RGS6: variants seen among roughly 807,000 people sequenced by gnomAD.
RGS6 encodes regulator of G-protein signaling 6.
In RGS6, 30 loss-of-function variants were observed where a neutral mutation model predicts 78.5. The ratio of observed to expected loss-of-function variants is 0.38; its 90% confidence interval spans 0.29 to 0.52. The LOEUF (loss-of-function observed/expected upper bound fraction) is 0.52, where lower values mean the gene tolerates loss of function less well. Ranked by LOEUF, RGS6 falls within the 20% of genes least tolerant of loss-of-function variation. The pLI is 0.85. For missense variants in RGS6, 495 were observed against 609.7 expected (o/e 0.81, Z 1.98); for synonymous variants, 206 against 206.0 (o/e 1.00, Z 0.00).
chr14:72,612,461 T>C, the RGS6 span: 1 of 518,738 alleles, frequency 1.9e-6, no homozygotes, highest in Non-Finnish European at 3.8e-6. Context: ...AATTTAGGCT[T>C]CTTCAACTAC....
chr14:72,090,691 A>G (rs1215218502), intron 2 of RGS6, among the ~76,000 whole-genome samples: 2 of 152,206 alleles, frequency 1.3e-5, no homozygotes, highest in Non-Finnish European at 2.9e-5. Flanking sequence ...ACATACGGAC[A>G]GTGAAAAGGT....
intron 2 of RGS6, among the ~76,000 whole-genome samples, chr14:72,254,001 G>A (rs368067709): frequency 9.2e-5 from 14 of 152,258 alleles, no homozygotes; most frequent in African/African-American, 3.1e-4. Context: ...TAATGTTTGC[G>A]TTGTAGACCA....
intron 15 of RGS6, among the ~76,000 whole-genome samples, chr14:72,521,010 G>C (rs1184516172): frequency 6.6e-6 from 1 of 152,216 alleles, no homozygotes; most frequent in Non-Finnish European, 1.5e-5. Flanking sequence ...TAGGCACTTA[G>C]AGTGTTTCAT....
chr14:72,521,303 G>A (rs2097035122), intron 15 of RGS6, among the ~76,000 whole-genome samples: 1 of 152,222 alleles, frequency 6.6e-6, no homozygotes, highest in Non-Finnish European at 1.5e-5. Context: ...TACAGCAACA[G>A]TATGATTATC....
chr14:72,475,825 T>TACACGCACACACACACACAC (rs1555424256), intron 10 of RGS6, among the ~76,000 whole-genome samples: 2 of 96,126 alleles, frequency 2.1e-5, no homozygotes, highest in African/African-American at 8.5e-5. Context: ...TAAAAAAAAA[T>TACACGCACACACACACACAC]ACACGCACAC....
chr14:72,569,675 G>A (rs1044084297), downstream of RGS6, among the ~76,000 whole-genome samples: 4 of 136,796 alleles, frequency 2.9e-5, no homozygotes, highest in African/African-American at 1.1e-4. Flanking sequence ...ACTTGTCAAG[G>A]AAGGAAGAAA....
chr14:72,251,083 CT>C (rs1235221864), intron 2 of RGS6, among the ~76,000 whole-genome samples: 8 of 152,174 alleles, frequency 5.3e-5, no homozygotes, highest in African/African-American at 1.7e-4. Context: ...GTAGTAAATG[CT>C]TTTTAAGAGA....
chr14:72,295,646 G>A (rs1312159807), intron 2 of RGS6, among the ~76,000 whole-genome samples: 1 of 152,126 alleles, frequency 6.6e-6, no homozygotes, highest in African/African-American at 2.4e-5. Context: ...GTCTTTGGTT[G>A]CTTATATATA....
intron 2 of RGS6, among the ~76,000 whole-genome samples, chr14:72,348,428 T>C (rs1033325371): frequency 5.3e-5 from 8 of 152,206 alleles, no homozygotes; most frequent in African/African-American, 1.9e-4. Flanking sequence ...GATCATGAAA[T>C]AGATGTTCTG....
At chr14:72,499,381 G>A (rs991091683) in intron 13 of RGS6, among the ~76,000 whole-genome samples, 2 of 152,158 alleles carry the variant, frequency 1.3e-5, no homozygotes, top group Admixed American at 6.5e-5. Context: ...CCTGATCCAT[G>A]TTCCTGAGTT....
chr14:72,230,388 C>A (rs80194888), intron 2 of RGS6, among the ~76,000 whole-genome samples: 1,926 of 152,142 alleles, frequency 0.013, 47 homozygotes, highest in African/African-American at 0.043. Context: ...AAATTGAAAA[C>A]AAAAGCACTT....
rs190757836 is a variant in RGS6, at chr14:72,074,699, C to G, written c.84+109824C>G. 1.2e-4 allele frequency among the ~76,000 whole-genome samples: 18 copies of G among 152,224 alleles called. No individual in the cohort carries two copies. In the East Asian group the frequency reaches 3.5e-3, roughly 29 times the overall value. ...TTTTTTCAGTTATCCAGCATCCCCC[C>G]ACTTGTTTCTATCCTATCTCATATG... is the stretch of plus-strand genomic sequence containing the variant. On this transcript the variant is annotated intron_variant, in intron 2 of 17. Transcript: ENST00000553525.
intron 3 of RGS6, among the ~76,000 whole-genome samples, chr14:72,423,203 G>A (rs1166985155): frequency 6.6e-6 from 1 of 152,200 alleles, no homozygotes; most frequent in Non-Finnish European, 1.5e-5. Context: ...GAGAACATGG[G>A]TGCCAGACAT....
intron 2 of RGS6, among the ~76,000 whole-genome samples, chr14:72,087,430 C>T (rs577578699): frequency 2.0e-5 from 3 of 151,930 alleles, no homozygotes; most frequent in South Asian, 4.2e-4. Flanking sequence ...CGCACCTGGC[C>T]GAAATGCATA....
intron 2 of RGS6, among the ~76,000 whole-genome samples, chr14:72,003,336 C>T (rs536581461): frequency 6.6e-6 from 1 of 152,190 alleles, no homozygotes; most frequent in Non-Finnish European, 1.5e-5. Context: ...AAATCATGGC[C>T]CTATGCACAA....
intron 2 of RGS6, among the ~76,000 whole-genome samples, chr14:72,312,022 G>T (rs1173830219): frequency 6.6e-6 from 1 of 152,160 alleles, no homozygotes; most frequent in Non-Finnish European, 1.5e-5. Context: ...ATCAGAAAAA[G>T]AAGCAACTGT....
chr14:72,517,574 C>A (rs1023973590), intron 14 of RGS6, among the ~76,000 whole-genome samples: 1 of 152,226 alleles, frequency 6.6e-6, no homozygotes, highest in Non-Finnish European at 1.5e-5. Context: ...AACCATTCTG[C>A]AGAGAAGTTT....
At chr14:72,217,584 T>C (rs1054758756) in intron 2 of RGS6, among the ~76,000 whole-genome samples, 4 of 152,180 alleles carry the variant, frequency 2.6e-5, no homozygotes, top group African/African-American at 9.7e-5. Context: ...ATGGGCTCAT[T>C]GTAACCAGGA....
At chr14:72,293,281 T>C (rs557858640) in intron 2 of RGS6, among the ~76,000 whole-genome samples, 1 of 152,344 alleles carries the variant, frequency 6.6e-6, no homozygotes, top group Admixed American at 6.5e-5. Context: ...TCTCCAGTTA[T>C]TATTCATAGT....
Sources: gnomAD v4.1 joint callset for allele counts (sites outside exome capture counted in the v4.1 genomes callset) on GRCh38, gnomAD v4.1.1 for gene constraint, MANE v1.5 for transcripts, NCBI Gene and HGNC (gene_info 2026-07-23, HGNC 2026-07-21) for gene names.